Variants in UBE2U observed in about 807,000 individuals in gnomAD.
The protein encoded by UBE2U is ubiquitin-conjugating enzyme E2 U.
A neutral mutation model predicts 41.2 loss-of-function variants in UBE2U; 39 were observed. That is an observed-to-expected ratio of 0.95 (90% CI 0.73 to 1.24). The LOEUF is 1.24. Ranked by LOEUF, UBE2U falls within the 50% of genes most tolerant of loss-of-function variation. The pLI, the probability that UBE2U is intolerant of heterozygous loss-of-function variation, is 0.00. For synonymous variants in UBE2U, 107 were observed against 117.8 expected, an observed-to-expected ratio of 0.91 and a Z score of 0.60; for missense variants, 336 against 363.1, an observed-to-expected ratio of 0.93 and a Z score of 0.61.
At chr1:64,220,342 C>A (rs1205308142) in intron 5 of UBE2U, among the ~76,000 whole-genome samples, 1 of 152,104 alleles carries the variant, frequency 6.6e-6, no homozygotes, top group Admixed American at 6.5e-5. Context: ...GGAATCTTGT[C>A]TGTTCGATAT....
chr1:64,241,378 T>G (rs1270294653), intron 7 of UBE2U, among the ~76,000 whole-genome samples: 6 of 152,198 alleles, frequency 3.9e-5, no homozygotes, highest in Admixed American at 3.9e-4. Context: ...CCTATAAATT[T>G]TATTTAACAT....
intron 9 of UBE2U, among the ~76,000 whole-genome samples, chr1:64,262,099 T>G (rs1645187960): frequency 6.6e-6 from 1 of 152,176 alleles, no homozygotes; most frequent in African/African-American, 2.4e-5. Context: ...ATAAAAAAAT[T>G]TGAGCAGTAC....
rs545050240 is a variant in UBE2U, at chr1:64,266,151, T to TG, written c.770-872dup. Among the ~76,000 whole-genome samples the TG allele has an allele frequency of 3.0e-3, 456 of 152,344 alleles. 1 individual carries two copies. The highest frequency in any genetic ancestry group is 0.01 in the African/African-American group (425 of 41,584). On this transcript the variant is annotated intron_variant, in intron 9 of 9. Coordinates refer to ENST00000371077, the MANE Select transcript of UBE2U (RefSeq NM_001366232.2). Reference sequence around the variant, plus strand: ...TCATCCCCAGAAAGCAAGGTCCCCATGCTGTGTAGAAATATACATCTAGAA... The same window carrying TG: ...TCATCCCCAGAAAGCAAGGTCCCCATGGCTGTGTAGAAATATACATCTAGAA...
chr1:64,212,628 T>C (rs886923833), intron 4 of UBE2U, among the ~76,000 whole-genome samples: 1 of 152,212 alleles, frequency 6.6e-6, no homozygotes, highest in South Asian at 2.1e-4. Flanking sequence ...TCTGAAATGC[T>C]TAGGAATTGG....
chr1:64,242,389 T>A (rs989108216), intron 8 of UBE2U, among the ~76,000 whole-genome samples: 2 of 152,148 alleles, frequency 1.3e-5, no homozygotes, highest in African/African-American at 4.8e-5. Flanking sequence ...TTTTCTGGTG[T>A]GCTCATTCCA....
chr1:64,266,904 G>C, intron 9 of UBE2U, 120 bp from the exon 10 acceptor site: 1 of 825,888 alleles, frequency 1.2e-6, no homozygotes, highest in Admixed American at 3.1e-5. Flanking sequence ...TGTATAAAAG[G>C]TTGCTCACAT....
At chr1:64,259,361 C>T (rs996417891) in intron 8 of UBE2U, among the ~76,000 whole-genome samples, 3 of 152,010 alleles carry the variant, frequency 2.0e-5, no homozygotes, top group Non-Finnish European at 4.4e-5. Flanking sequence ...CTTTTGTTGC[C>T]GTTGCTTTTG....
At chr1:64,230,229 C>T (rs1419408275) in intron 6 of UBE2U, among the ~76,000 whole-genome samples, 2 of 152,100 alleles carry the variant, frequency 1.3e-5, no homozygotes, top group Non-Finnish European at 2.9e-5. Flanking sequence ...CTATCTGGTC[C>T]CCTGGCATTT....
chr1:64,258,552 A>G (rs1455151628), intron 8 of UBE2U, among the ~76,000 whole-genome samples: 1 of 144,808 alleles, frequency 6.9e-6, no homozygotes, highest in Admixed American at 7.3e-5. Context: ...GTTCCCAGCT[A>G]TGAGTGAGAA....
intron 8 of UBE2U, chr1:64,244,124 T>C: frequency 6.2e-7 from 1 of 1,606,372 alleles, no homozygotes; most frequent in Non-Finnish European, 8.5e-7. Flanking sequence ...CTCATTCAAT[T>C]TGCAGATGAA....
chr1:64,238,680 T>G (rs576507747), intron 7 of UBE2U, among the ~76,000 whole-genome samples: 2 of 152,156 alleles, frequency 1.3e-5, no homozygotes, highest in South Asian at 4.1e-4. Flanking sequence ...ACTATTCAGT[T>G]AAAAATTTTT....
chr1:64,216,993 C>T (rs1284451960), intron 5 of UBE2U, among the ~76,000 whole-genome samples: 1 of 152,166 alleles, frequency 6.6e-6, no homozygotes, highest in African/African-American at 2.4e-5. Flanking sequence ...TTTGAACAAA[C>T]GATTATCTAG....
chr1:64,256,048 G>C (rs966442315), intron 8 of UBE2U, among the ~76,000 whole-genome samples: 1 of 151,942 alleles, frequency 6.6e-6, no homozygotes, highest in Non-Finnish European at 1.5e-5. Context: ...TAAAATACTA[G>C]GAATACAGCT....
chr1:64,207,498 C>A (rs1264872762), intron 3 of UBE2U, among the ~76,000 whole-genome samples: 1 of 152,152 alleles, frequency 6.6e-6, no homozygotes, highest in Non-Finnish European at 1.5e-5. Flanking sequence ...AAACAGTCTT[C>A]AAAAGATCAT....
intron 8 of UBE2U, among the ~76,000 whole-genome samples, chr1:64,252,644 C>A (rs373827667): frequency 2.1e-4 from 32 of 152,274 alleles, no homozygotes; most frequent in African/African-American, 7.0e-4. Context: ...GGACCCCCAG[C>A]AAACCATAGC....
intron 4 of UBE2U, among the ~76,000 whole-genome samples, chr1:64,213,215 A>G (rs1651765982): frequency 6.6e-6 from 1 of 152,088 alleles, no homozygotes; most frequent in South Asian, 2.1e-4. Flanking sequence ...TTATATCTTC[A>G]TGCTTTTCTG....
chr1:64,213,567 T>C (rs1160911222), intron 4 of UBE2U, among the ~76,000 whole-genome samples: 1 of 152,166 alleles, frequency 6.6e-6, no homozygotes, highest in Admixed American at 6.5e-5. Context: ...TCTTCCCCTA[T>C]TGGACTGCAA....
intron 6 of UBE2U, among the ~76,000 whole-genome samples, chr1:64,221,804 T>G (rs995213075): frequency 1.3e-5 from 2 of 152,104 alleles, no homozygotes; most frequent in African/African-American, 2.4e-5. Flanking sequence ...AGATAACTTA[T>G]GGCCGAGAGC....
At chr1:64,244,894 T>G (rs1187418584) in intron 8 of UBE2U, among the ~76,000 whole-genome samples, 2 of 152,196 alleles carry the variant, frequency 1.3e-5, no homozygotes, top group East Asian at 1.9e-4. Flanking sequence ...CTCACCCTGT[T>G]TTCTCAATTA....
Sources: allele counts gnomAD v4.1 joint callset (sites outside exome capture counted in the v4.1 genomes callset), GRCh38; gene constraint gnomAD v4.1.1; transcripts MANE v1.5; gene names NCBI Gene and HGNC (gene_info 2026-07-23, HGNC 2026-07-21).